RSRC1: variants seen among roughly 807,000 people sequenced by gnomAD.
RSRC1 encodes the protein serine/Arginine-related protein 53.
In RSRC1, 39 loss-of-function variants were observed where a neutral mutation model predicts 49.1. The ratio of observed to expected loss-of-function variants is 0.79; its 90% CI spans 0.61 to 1.04. RSRC1 has a LOEUF of 1.04. Ranked by LOEUF, RSRC1 falls within the 50% of genes least tolerant of loss-of-function variation. RSRC1 has a pLI of 0.00. For synonymous variants in RSRC1, 143 were observed against 130.8 expected (o/e 1.09, Z -0.63); for missense variants, 388 against 402.4 (o/e 0.96, Z 0.31).
chr3:158,294,070 T>A (rs1003939684), intron 4 of RSRC1, among the ~76,000 whole-genome samples: 22 of 152,150 alleles, frequency 1.4e-4, no homozygotes, highest in Non-Finnish European at 1.3e-4. Context: ...TATTTTTATA[T>A]CTGGGAAATC....
intron 4 of RSRC1, among the ~76,000 whole-genome samples, chr3:158,232,579 AGT>A (rs1723028440): frequency 6.6e-6 from 1 of 152,166 alleles, no homozygotes; most frequent in Non-Finnish European, 1.5e-5. Context: ...GTCCAAGGAC[AGT>A]GCTCTAGAGA....
chr3:158,420,499 A>C (rs2108336674), intron 6 of RSRC1, among the ~76,000 whole-genome samples: 1 of 152,034 alleles, frequency 6.6e-6, no homozygotes, highest in East Asian at 2.0e-4. Context: ...CGGTTCTGCC[A>C]CTAATTAGCT....
chr3:158,413,496 A>G (rs139867440), intron 6 of RSRC1, among the ~76,000 whole-genome samples: 2,893 of 152,262 alleles, frequency 0.019, 72 homozygotes, highest in African/African-American at 0.066. Flanking sequence ...AATGGGATCT[A>G]ATTAAACTAA....
At chr3:158,341,437 C>T (rs1337922100) in intron 5 of RSRC1, among the ~76,000 whole-genome samples, 2 of 152,126 alleles carry the variant, frequency 1.3e-5, no homozygotes, top group East Asian at 1.9e-4. Context: ...ATGTACAGCT[C>T]GGGCTGTAGC....
intron 6 of RSRC1, among the ~76,000 whole-genome samples, chr3:158,360,498 C>T (rs572588987): frequency 2.9e-4 from 44 of 152,344 alleles, no homozygotes; most frequent in Admixed American, 2.7e-3. Context: ...CCATGACACA[C>T]AGGCTGCTTG....
At chr3:158,139,107 A>G (rs957466517) in intron 3 of RSRC1, among the ~76,000 whole-genome samples, 3 of 152,116 alleles carry the variant, frequency 2.0e-5, no homozygotes, top group Non-Finnish European at 4.4e-5. Context: ...TTGAGAATGA[A>G]TATTTTATTT....
At position 158,272,146 on chromosome 3, in the gene RSRC1, G is replaced by A. The variant is rs1022286546; in HGVS notation, c.495-25893G>A. Among the ~76,000 whole-genome samples the A allele has an allele frequency of 2.6e-5, 4 of 152,184 alleles. No homozygotes were observed. In the Middle Eastern group the frequency reaches 0.01, roughly 388 times the overall value. ...TAAAAGCAAGTACCGGCAGATAAATGCCCATAAAGGGATTTCTTTCTTAAG... is the reference window on the plus strand; with the variant it reads ...TAAAAGCAAGTACCGGCAGATAAATACCCATAAAGGGATTTCTTTCTTAAG... On this transcript the variant is annotated intron_variant, in intron 4 of 9. Transcript: ENST00000611884.
intron 3 of RSRC1, among the ~76,000 whole-genome samples, chr3:158,171,273 G>A (rs1718865529): frequency 6.6e-6 from 1 of 152,112 alleles, no homozygotes; most frequent in African/African-American, 2.4e-5. Flanking sequence ...ATTCTACAGA[G>A]CATTTTGCTA....
intron 1 of RSRC1, among the ~76,000 whole-genome samples, chr3:158,113,352 A>G (rs1445452141): frequency 6.8e-6 from 1 of 147,650 alleles, no homozygotes; most frequent in Non-Finnish European, 1.5e-5. Context: ...CAGCCTTGCC[A>G]GCATCTGTTG....
intron 4 of RSRC1, among the ~76,000 whole-genome samples, chr3:158,237,908 G>A (rs1217023280): frequency 1.3e-5 from 2 of 152,138 alleles, no homozygotes; most frequent in Non-Finnish European, 2.9e-5. Context: ...TCCAGTTTTT[G>A]CTCATTCAGT....
intron 3 of RSRC1, among the ~76,000 whole-genome samples, chr3:158,141,716 C>T (rs1609524): frequency 0.63 from 95,847 of 152,018 alleles, 30,843 homozygotes; most frequent in African/African-American, 0.73. Flanking sequence ...TTGTTCCCCG[C>T]ATTTCATTTT....
At chr3:158,132,531 A>T (rs1716104663) in intron 3 of RSRC1, among the ~76,000 whole-genome samples, 2 of 152,162 alleles carry the variant, frequency 1.3e-5, no homozygotes, top group Non-Finnish European at 2.9e-5. Flanking sequence ...TATTTCTTCA[A>T]CTTGAAAAAT....
intron 3 of RSRC1, among the ~76,000 whole-genome samples, chr3:158,195,227 T>A (rs1403428145): frequency 6.6e-6 from 1 of 152,224 alleles, no homozygotes. Context: ...GTGGTTTTGA[T>A]TTGCATTTCT....
In RSRC1 at chr3:158,496,395, A is replaced by C. The variant is rs376506514; in HGVS notation, c.652+35392A>C. Among the ~76,000 whole-genome samples the C allele has an allele frequency of 2.5e-4, 38 of 152,294 alleles. No individual in the cohort carries two copies. The East Asian group carries it at 5.6e-3, about 22-fold the overall frequency. ...GGGACTAAGGATTGCAGTGCTAAGA[A>C]GTACACCCAGGTGATGCCGATACAA... On this transcript the variant is annotated intron_variant, in intron 7 of 9. Transcript: ENST00000611884.
At chr3:158,368,486 G>T (rs1731898237) in intron 6 of RSRC1, among the ~76,000 whole-genome samples, 1 of 152,196 alleles carries the variant, frequency 6.6e-6, no homozygotes, top group Non-Finnish European at 1.5e-5. Flanking sequence ...ATGCCCTGCG[G>T]GCTGACAGGG....
At chr3:158,332,934 T>C (rs1450662206) in intron 5 of RSRC1, among the ~76,000 whole-genome samples, 1 of 151,904 alleles carries the variant, frequency 6.6e-6, no homozygotes, top group Non-Finnish European at 1.5e-5. Flanking sequence ...ATAATTTATT[T>C]AATCATTTTT....
At chr3:158,482,283 A>G (rs569801109) in intron 7 of RSRC1, among the ~76,000 whole-genome samples, 4 of 152,198 alleles carry the variant, frequency 2.6e-5, no homozygotes, top group African/African-American at 9.6e-5. Flanking sequence ...TTAATACCAA[A>G]TTGAAAATTA....
At chr3:158,351,919 A>G (rs1730901990) in intron 5 of RSRC1, among the ~76,000 whole-genome samples, 1 of 147,082 alleles carries the variant, frequency 6.8e-6, no homozygotes, top group Non-Finnish European at 1.5e-5. Flanking sequence ...TAAATATTAT[A>G]TATATATAAA....
At chr3:158,224,899 G>T (rs906680849) in intron 4 of RSRC1, among the ~76,000 whole-genome samples, 1 of 151,754 alleles carries the variant, frequency 6.6e-6, no homozygotes, top group Non-Finnish European at 1.5e-5. Flanking sequence ...AAGAACAAAG[G>T]ATATTTTCTA....
Sources: allele counts gnomAD v4.1 joint callset (sites outside exome capture counted in the v4.1 genomes callset), GRCh38; gene constraint gnomAD v4.1.1; transcripts MANE v1.5; gene names NCBI Gene and HGNC (gene_info 2026-07-23, HGNC 2026-07-21).